Variants in SORCS2 observed in about 807,000 individuals in gnomAD.
SORCS2 encodes the protein VPS10 domain-containing receptor SorCS2.
SORCS2 carries 100 observed loss-of-function variants against 141.6 expected under a neutral mutation model. The ratio of observed to expected loss-of-function variants is 0.71; its 90% CI spans 0.60 to 0.83. The LOEUF (loss-of-function observed/expected upper bound fraction) is 0.83. Ranked by LOEUF, SORCS2 falls within the 40% of genes least tolerant of loss-of-function variation. SORCS2 has a pLI of 0.00. For synonymous variants in SORCS2, 789 were observed against 676.9 expected, an observed-to-expected ratio of 1.17 and a Z score of -2.57; for missense variants, 1,646 against 1,560.2, an observed-to-expected ratio of 1.05 and a Z score of -0.93.
At chr4:7,416,799 CAA>C (rs60917314) in intron 2 of SORCS2, among the ~76,000 whole-genome samples, 3 of 151,962 alleles carry the variant, frequency 2.0e-5, no homozygotes, top group Non-Finnish European at 4.4e-5. Flanking sequence ...TGTGCACACA[CAA>C]ACATGCATGC....
At chr4:7,317,892 G>T (rs952640172) in intron 1 of SORCS2, among the ~76,000 whole-genome samples, 1 of 152,074 alleles carries the variant, frequency 6.6e-6, no homozygotes, top group Non-Finnish European at 1.5e-5. Context: ...ATTGAACGCT[G>T]AGCAGGCGCC....
At chr4:7,396,759 C>G (rs190843730) in intron 2 of SORCS2, among the ~76,000 whole-genome samples, 1 of 152,168 alleles carries the variant, frequency 6.6e-6, no homozygotes, top group Admixed American at 6.5e-5. Context: ...ATTGTTTGGG[C>G]GTTTTTCTTT....
chr4:7,518,025 G>A (rs994233845), intron 2 of SORCS2, among the ~76,000 whole-genome samples: 3 of 152,216 alleles, frequency 2.0e-5, no homozygotes, highest in African/African-American at 7.2e-5. Context: ...AGGTCTGTGT[G>A]TGCCTTGTAA....
intron 3 of SORCS2, among the ~76,000 whole-genome samples, chr4:7,535,818 G>T (rs546342620): frequency 4.6e-5 from 7 of 152,184 alleles, no homozygotes; most frequent in Non-Finnish European, 7.3e-5. Flanking sequence ...GCCAGGCATG[G>T]GGGGCATTGC....
At position 7,427,019 on chromosome 4, in the gene SORCS2, G is replaced by A. The variant is rs1041560845; in HGVS notation, c.548+30664G>A. Among the ~76,000 whole-genome samples, 8 of 152,070 alleles carry A rather than the reference G, an allele frequency of 5.3e-5. No homozygotes were observed. In the South Asian group the frequency reaches 1.0e-3, roughly 20 times the overall value. ...TCCCACCAAGGAAGGGCTTAGTGGT[G>A]GGGGGCACAGGGAAAGAGCGGTGGT... On this transcript the variant is annotated intron_variant, in intron 2 of 26. Coordinates refer to ENST00000507866, the MANE Select transcript of SORCS2 (RefSeq NM_020777.3).
intron 1 of SORCS2, among the ~76,000 whole-genome samples, chr4:7,281,576 G>A (rs1182624956): frequency 6.6e-6 from 1 of 152,098 alleles, no homozygotes; most frequent in African/African-American, 2.4e-5. Flanking sequence ...GTGTGTCTCT[G>A]GTCACCACCA....
At position 7,725,162 on chromosome 4, in the gene SORCS2, C is replaced by A. The variant is rs756446383; in HGVS notation, c.2620C>A (p.Gln874Lys). ...TTTTTGGGTCCCCACAGCCCCCCTG[C>A]AGGCCCTCTACCTGGAGGTGGTTCC... Reference protein sequence around the residue: ...VLFVQVNSPLQALYLEVVPVI... With the variant: ...VLFVQVNSPLKALYLEVVPVI... The change falls in exon 20 of 27, where the codon CAG becomes AAG. Residue 874 changes from glutamine to lysine, a missense_variant. Gln to Lys is a moderately conservative substitution (Grantham distance 53, BLOSUM62 1). Coordinates refer to ENST00000507866, the MANE Select transcript of SORCS2 (RefSeq NM_020777.3). 6.2e-7 allele frequency: 1 copy of A among 1,613,154 alleles called. No homozygotes were observed. Among genetic ancestry groups the A allele is most frequent in the Non-Finnish European group, 8.5e-7 (1 of 1,179,434 alleles).
At chr4:7,490,931 C>T (rs16840399) in intron 2 of SORCS2, among the ~76,000 whole-genome samples, 17,137 of 152,172 alleles carry the variant, frequency 0.11, 1,232 homozygotes, top group East Asian at 0.24. Context: ...GTACCTGGCA[C>T]GTGGCAAAGG....
chr4:7,241,225 C>T (rs977620052), intron 1 of SORCS2, among the ~76,000 whole-genome samples: 1 of 152,154 alleles, frequency 6.6e-6, no homozygotes, highest in Non-Finnish European at 1.5e-5. Context: ...AGGCATGAGC[C>T]ACCTCACTAA....
intron 9 of SORCS2, among the ~76,000 whole-genome samples, chr4:7,678,777 G>C (rs1444073904): frequency 3.3e-5 from 5 of 150,488 alleles, no homozygotes; most frequent in African/African-American, 1.2e-4. Context: ...GGTCACAGCT[G>C]GTGGTTACAA....
intron 1 of SORCS2, among the ~76,000 whole-genome samples, chr4:7,258,889 T>G (rs1269658803): frequency 1.3e-5 from 2 of 152,230 alleles, no homozygotes; most frequent in Non-Finnish European, 2.9e-5. Context: ...TGATGAGCAT[T>G]TTTTTCATAC....
At chr4:7,644,322 C>T (rs763896565) in intron 4 of SORCS2, among the ~76,000 whole-genome samples, 9 of 152,278 alleles carry the variant, frequency 5.9e-5, no homozygotes, top group African/African-American at 1.9e-4. Flanking sequence ...GACTGGACAC[C>T]GGAATGTGGA....
chr4:7,433,439 G>C, intron 2 of SORCS2: 1 of 1,537,210 alleles, frequency 6.5e-7, no homozygotes, highest in Non-Finnish European at 8.7e-7. Context: ...AGGGCACACT[G>C]GTCGGTGCCC....
At chr4:7,598,678 C>A (rs769578147) in intron 3 of SORCS2, among the ~76,000 whole-genome samples, 1 of 152,210 alleles carries the variant, frequency 6.6e-6, no homozygotes, top group Non-Finnish European at 1.5e-5. Flanking sequence ...CTCCTTCTTG[C>A]CAATCTTACC....
intron 3 of SORCS2, among the ~76,000 whole-genome samples, chr4:7,550,724 A>G (rs34996971): frequency 0.16 from 24,755 of 152,178 alleles, 2,193 homozygotes; most frequent in African/African-American, 0.22. Context: ...CAACAGGACA[A>G]TCCACTGTAG....
chr4:7,561,609 TACCC>T (rs373190758), intron 3 of SORCS2, among the ~76,000 whole-genome samples: 2,950 of 145,150 alleles, frequency 0.02, 125 homozygotes, highest in African/African-American at 0.071. Context: ...TCCATCTATC[TACCC>T]ATCCGTCTAT....
chr4:7,532,723 C>T (rs1313079487), intron 3 of SORCS2, among the ~76,000 whole-genome samples: 9 of 151,748 alleles, frequency 5.9e-5, no homozygotes, highest in Admixed American at 5.9e-4. Context: ...GAGATGCGTG[C>T]AGCCTTGATT....
At chr4:7,562,488 C>A (rs1714674127) in intron 3 of SORCS2, among the ~76,000 whole-genome samples, 1 of 152,092 alleles carries the variant, frequency 6.6e-6, no homozygotes, top group Non-Finnish European at 1.5e-5. Context: ...GGTTGGCAAA[C>A]GTTTTCTGTA....
intron 1 of SORCS2, among the ~76,000 whole-genome samples, chr4:7,383,716 A>C (rs182609899): frequency 6.6e-6 from 1 of 152,322 alleles, no homozygotes; most frequent in East Asian, 1.9e-4. Flanking sequence ...GCACATTTTG[A>C]ATAGCAACGA....
Sources: allele counts gnomAD v4.1 joint callset (sites outside exome capture counted in the v4.1 genomes callset), GRCh38; gene constraint gnomAD v4.1.1; transcripts MANE v1.5; gene names NCBI Gene and HGNC (gene_info 2026-07-23, HGNC 2026-07-21).